TRAK2: variants seen among roughly 807,000 people sequenced by gnomAD.
TRAK2 encodes trafficking kinesin-binding protein 2.
Under a neutral mutation model 104.6 loss-of-function variants are expected in TRAK2, and 81 were observed. That is an observed-to-expected ratio of 0.77 (90% confidence interval 0.65 to 0.93). The LOEUF (loss-of-function observed/expected upper bound fraction) is 0.93, where lower values mean the gene tolerates loss of function less well. Among genes scored for constraint, TRAK2 ranks in the 40% least tolerant of loss-of-function variants. The pLI is 0.00. For synonymous variants in TRAK2, 406 were observed against 394.4 expected, an observed-to-expected ratio of 1.03 and a Z score of -0.35; for missense variants, 1,002 against 1,089.0, an observed-to-expected ratio of 0.92 and a Z score of 1.12.
At chr2:201,451,015 G>A (rs1952028279) in intron 1 of TRAK2, among the ~76,000 whole-genome samples, 1 of 152,118 alleles carries the variant, frequency 6.6e-6, no homozygotes, top group African/African-American at 2.4e-5. Flanking sequence ...AAGGTTTAAT[G>A]CCCGACCCTA....
chr2:201,422,902 C>T lies in TRAK2; in HGVS notation c.-199-2196G>A, dbSNP rs539081834. On this transcript the variant is annotated intron_variant, in intron 1 of 15. Coordinates refer to ENST00000332624, the MANE Select transcript of TRAK2 (RefSeq NM_015049.3). ...TCTGTGGTTATTGGCATGGGGTTTC[C>T]ATTTCTTACCAATTTCTATTACTTT... Among the ~76,000 whole-genome samples, 5 of 152,210 alleles carry T rather than the reference C, an allele frequency of 3.3e-5. No individual in the cohort carries two copies. In the South Asian group the frequency reaches 8.3e-4, roughly 25 times the overall value.
intron 2 of TRAK2, among the ~76,000 whole-genome samples, chr2:201,413,686 T>C (rs1951668260): frequency 6.6e-6 from 1 of 151,842 alleles, no homozygotes; most frequent in Non-Finnish European, 1.5e-5. Context: ...GACTTAAAGA[T>C]GGGTAACTTG....
rs1951304910 is a variant in TRAK2, at chr2:201,378,088, T to C, written c.*2455A>G. The stretch of plus-strand genomic sequence containing the variant: ...AGGATATACCAAAAATGATTTTAGG[T>C]AGAAACTTCAAAAAACAGCAAAACC... On this transcript the variant is annotated 3_prime_UTR_variant, in exon 16 of 16. Coordinates refer to ENST00000332624, the MANE Select transcript of TRAK2 (RefSeq NM_015049.3). 1 of 152,096 alleles carries C rather than the reference T, an allele frequency of 6.6e-6. No homozygotes were observed. Among genetic ancestry groups the C allele is most frequent in the Admixed American group, 6.6e-5 (1 of 15,262 alleles). 9.4% of individuals were successfully genotyped at this position (152,096 alleles called of 1,614,324 possible).
At chr2:201,435,160 G>A (rs918706486) in intron 1 of TRAK2, among the ~76,000 whole-genome samples, 2 of 152,012 alleles carry the variant, frequency 1.3e-5, no homozygotes, top group Admixed American at 6.6e-5. Flanking sequence ...GGGCTCAAGC[G>A]ATCCTCCCAC....
rs1951605531 is a variant in TRAK2 at position 201,407,516 on chromosome 2, A to G, written c.173T>C (p.Val58Ala). The change falls in exon 3 of 16, where the codon GTA becomes GCA. Residue 58 changes from valine to alanine, a missense_variant. Val to Ala is a moderately conservative substitution (Grantham distance 64, BLOSUM62 0). Transcript: ENST00000332624. ...ATTTTCATATAGAAAGAGAGTGTCT[A>G]CTTTTAGCCTATACTGTGGTAGTTG... The part of the protein sequence containing the change: ...EEQLPQYRLK[V>A]DTLFLYENQD... The G allele has an allele frequency of 1.9e-6, 3 of 1,614,026 alleles. No homozygotes were observed. Among genetic ancestry groups the G allele is most frequent in the African/African-American group, 2.7e-5 (2 of 74,938 alleles).
chr2:201,445,317 T>C (rs1260573951), intron 1 of TRAK2, among the ~76,000 whole-genome samples: 2 of 152,182 alleles, frequency 1.3e-5, no homozygotes, highest in Admixed American at 1.3e-4. Context: ...AGCTGTTCAT[T>C]GAACAGCTTT....
rs116361348 is a variant in TRAK2, at chr2:201,409,002, G to A, written c.92-1405C>T. On this transcript the variant is annotated intron_variant, in intron 2 of 15. Coordinates refer to ENST00000332624, the MANE Select transcript of TRAK2 (RefSeq NM_015049.3). ...GAGGTGAAGGAAATCGGAAAGGGGA[G>A]GGGAAAAAGTTTCCTCTAAAAAATC... 1.7e-3 allele frequency among the ~76,000 whole-genome samples: 256 copies of A among 152,118 alleles called. 1 individual carries two copies. The highest frequency in any genetic ancestry group is 0.01 in the Middle Eastern group (3 of 294).
intron 1 of TRAK2, among the ~76,000 whole-genome samples, chr2:201,442,680 C>T (rs1385783442): frequency 1.3e-5 from 2 of 152,200 alleles, no homozygotes; most frequent in African/African-American, 4.8e-5. Flanking sequence ...TCACTTATCT[C>T]TGACCCTCTA....
At chr2:201,395,181 C>A (rs5837772) in intron 8 of TRAK2, 133 bp downstream of exon 8, 5 of 357,392 alleles carry the variant, frequency 1.4e-5, no homozygotes, top group African/African-American at 3.1e-5. Flanking sequence ...ATGATTAAAA[C>A]AGCAATCAGA....
At chr2:201,423,611 AT>A (rs1160078295) in intron 1 of TRAK2, 1 of 152,160 alleles carries the variant, frequency 6.6e-6, no homozygotes, top group Non-Finnish European at 1.5e-5. Context: ...TAAAAATAAA[AT>A]TTTTTTAAAA....
At chr2:201,411,309 CTTTTA>C (rs1475256289) in intron 2 of TRAK2, 2 of 757,418 alleles carry the variant, frequency 2.6e-6, no homozygotes, top group Admixed American at 3.5e-5. Flanking sequence ...AAGTGATGCT[CTTTTA>C]TGTTTATTCT....
chr2:201,407,567 A>G lies in TRAK2; in HGVS notation c.122T>C (p.Val41Ala), dbSNP rs1367473409. Residue 41 changes from valine to alanine, a missense_variant, in exon 3 of 16, where the codon GTT (valine) becomes GCT (alanine). Physicochemically the swap from Val to Ala is moderately conservative, Grantham distance 64. Coordinates refer to ENST00000332624, the MANE Select transcript of TRAK2 (RefSeq NM_015049.3). ...DVCSNEDLPE[V>A]ELVSLLEEQL... The stretch of plus-strand genomic sequence containing the variant: ...TTCTTCTAGCAGACTCACCAGCTCA[A>G]CTTCAGGGAGATCCTCATTGGAGCA... 1.2e-6 allele frequency: 2 copies of G among 1,613,764 alleles called. No homozygotes were observed. Among genetic ancestry groups the G allele is most frequent in the Non-Finnish European group, 1.7e-6 (2 of 1,179,954 alleles).
chr2:201,416,501 CA>C (rs1209689039), intron 2 of TRAK2, among the ~76,000 whole-genome samples: 1 of 151,778 alleles, frequency 6.6e-6, no homozygotes, highest in East Asian at 1.9e-4. Context: ...GTTAAACAGG[CA>C]AAAAGGATAT....
At chr2:201,433,033 AATAAT>A (rs1384940424) in intron 1 of TRAK2, among the ~76,000 whole-genome samples, 3 of 152,206 alleles carry the variant, frequency 2.0e-5, no homozygotes, top group East Asian at 1.9e-4. Context: ...GTCCTCATAA[AATAAT>A]ATATTTTTGA....
Position 201,398,338 on chromosome 2 carries a change from T to C in TRAK2, c.497A>G (p.His166Arg). Residue 166 changes from histidine to arginine, a missense_variant, in exon 6 of 16, where the codon CAT becomes CGT. Coordinates refer to ENST00000332624, the MANE Select transcript of TRAK2 (RefSeq NM_015049.3). ...QAFDQVNQLQ[H>R]ELCKKDELLR... is the part of the protein sequence containing the mutation. ...TAACTCATCTTTCTTGCATAGCTCA[T>C]GCTGCAGCTGATTAACCTGTCCATA... The C allele has an allele frequency of 1.9e-6, 3 of 1,613,474 alleles. No homozygotes were observed. Among genetic ancestry groups the C allele is most frequent in the Non-Finnish European group, 2.5e-6 (3 of 1,179,542 alleles).
intron 2 of TRAK2, among the ~76,000 whole-genome samples, chr2:201,416,866 A>G (rs987150796): frequency 9.2e-5 from 14 of 151,990 alleles, no homozygotes; most frequent in African/African-American, 3.4e-4. Context: ...AAAAAAGTTT[A>G]AAAAAAGAAA....
intron 1 of TRAK2, among the ~76,000 whole-genome samples, chr2:201,424,950 A>G (rs911666413): frequency 1.3e-5 from 2 of 152,180 alleles, no homozygotes; most frequent in African/African-American, 2.4e-5. Flanking sequence ...AATGATTTTT[A>G]TACTTTCAAA....
At chr2:201,438,348 G>A (rs1951894103) in intron 1 of TRAK2, among the ~76,000 whole-genome samples, 1 of 152,148 alleles carries the variant, frequency 6.6e-6, no homozygotes, top group South Asian at 2.1e-4. Flanking sequence ...TTGCAAATCA[G>A]TCTTTCCTAA....
chr2:201,429,757 A>C (rs1411705451), intron 1 of TRAK2, among the ~76,000 whole-genome samples: 3 of 152,132 alleles, frequency 2.0e-5, no homozygotes, highest in African/African-American at 7.2e-5. Context: ...CTAGTTAGCC[A>C]TTTGTCTAAT....
Sources: gnomAD v4.1 joint callset for allele counts (sites outside exome capture counted in the v4.1 genomes callset) on GRCh38, gnomAD v4.1.1 for gene constraint, MANE v1.5 for transcripts, NCBI Gene and HGNC (gene_info 2026-07-23, HGNC 2026-07-21) for gene names.